The following COL13A1 variants were observed in gnomAD, a reference collection of about 807,000 sequenced individuals.
COL13A1 encodes the protein collagen type XIII alpha 1 chain.
In COL13A1, 89 loss-of-function variants were observed where a neutral mutation model predicts 130.9. The ratio of observed to expected loss-of-function variants is 0.68; its 90% confidence interval spans 0.57 to 0.81. The LOEUF is 0.81. Among genes scored for constraint, COL13A1 ranks in the 30% least tolerant of loss-of-function variants. The probability of loss-of-function intolerance (pLI) is 0.00; values close to 1 mark genes in which losing one functional copy is unlikely to be tolerated. For missense variants in COL13A1, 879 were observed against 934.6 expected (o/e 0.94, Z 0.78); for synonymous variants, 402 against 341.6 (o/e 1.18, Z -1.95).
chr10:69,851,861 G>C (rs541422766), intron 2 of COL13A1, among the ~76,000 whole-genome samples: 180 of 152,268 alleles, frequency 1.2e-3, no homozygotes, highest in African/African-American at 4.2e-3. Context: ...TGCCACGTTG[G>C]CCAGGCTGGT....
chr10:69,926,377 TG>T (rs1222432061), intron 26 of COL13A1, among the ~76,000 whole-genome samples: 2 of 152,108 alleles, frequency 1.3e-5, no homozygotes, highest in Non-Finnish European at 1.5e-5. Flanking sequence ...ATCTTTGTGG[TG>T]GGGGGAGAGT....
chr10:69,846,300 G>C (rs947472433), intron 2 of COL13A1, among the ~76,000 whole-genome samples: 4 of 152,016 alleles, frequency 2.6e-5, no homozygotes, highest in African/African-American at 9.7e-5. Flanking sequence ...GAGTGTCCTG[G>C]TTCCTAATCA....
chr10:69,825,398 C>G (rs997184638), intron 2 of COL13A1, among the ~76,000 whole-genome samples: 4 of 152,176 alleles, frequency 2.6e-5, no homozygotes, highest in African/African-American at 9.7e-5. Flanking sequence ...GCTTGATTTA[C>G]TTTTGTCTTG....
chr10:69,863,159 T>C (rs1858689309), intron 2 of COL13A1, among the ~76,000 whole-genome samples: 1 of 152,126 alleles, frequency 6.6e-6, no homozygotes, highest in East Asian at 1.9e-4. Flanking sequence ...TGAGTCTCTG[T>C]GGCAGGAGGC....
chr10:69,856,437 T>G (rs1243360694), intron 2 of COL13A1, among the ~76,000 whole-genome samples: 1 of 152,098 alleles, frequency 6.6e-6, no homozygotes, highest in African/African-American at 2.4e-5. Flanking sequence ...TGACACCTAA[T>G]CTCCCTCAAC....
chr10:69,815,960 G>A (rs981440105), intron 1 of COL13A1, among the ~76,000 whole-genome samples: 2 of 151,954 alleles, frequency 1.3e-5, no homozygotes, highest in Admixed American at 6.6e-5. Context: ...AGGAAGGGGT[G>A]CAGGAGGTGA....
chr10:69,921,375 T>C lies in COL13A1; in HGVS notation c.1090-507T>C, dbSNP rs114665490. On this transcript the variant is annotated intron_variant, in intron 21 of 40. Transcript: ENST00000645393. ...CCCATGGGACTTCATCCTAACTCATTACATTTGCAATGACCCTATGTCCAA... is the reference window on the plus strand; with the variant it reads ...CCCATGGGACTTCATCCTAACTCATCACATTTGCAATGACCCTATGTCCAA... Among the ~76,000 whole-genome samples the C allele has an allele frequency of 6.8e-3, 1,028 of 152,262 alleles. 6 individuals are homozygous for C. Among genetic ancestry groups the C allele is most frequent in the African/African-American group, 0.024 (992 of 41,542 alleles).
intron 35 of COL13A1, among the ~76,000 whole-genome samples, chr10:69,941,295 C>T (rs773664788): frequency 4.6e-5 from 7 of 152,172 alleles, no homozygotes; most frequent in Non-Finnish European, 5.9e-5. Context: ...CCAGCAGCAC[C>T]GCTCCTGATT....
intron 40 of COL13A1, 122 bp from the exon 41 acceptor site, chr10:69,958,577 A>G (rs1423924849): frequency 6.1e-6 from 9 of 1,487,228 alleles, no homozygotes; most frequent in Non-Finnish European, 3.7e-6. Flanking sequence ...GGGTTCCCAC[A>G]GTTCTCCTGT....
At chr10:69,937,136 G>T (rs1167474196) in intron 33 of COL13A1, among the ~76,000 whole-genome samples, 2 of 152,178 alleles carry the variant, frequency 1.3e-5, no homozygotes, top group Non-Finnish European at 2.9e-5. Flanking sequence ...GTCAAGCTTG[G>T]GGGGACTCTG....
chr10:69,894,314 G>A (rs919661983), intron 10 of COL13A1, among the ~76,000 whole-genome samples: 1 of 152,234 alleles, frequency 6.6e-6, no homozygotes, highest in African/African-American at 2.4e-5. Flanking sequence ...CTGGTGGTTG[G>A]AGGAATGGAT....
At chr10:69,914,579 C>G (rs1053376478) in intron 17 of COL13A1, among the ~76,000 whole-genome samples, 2 of 152,176 alleles carry the variant, frequency 1.3e-5, no homozygotes, top group African/African-American at 4.8e-5. Flanking sequence ...AGAGAAAAGA[C>G]AGAGAAAGTA....
intron 36 of COL13A1, among the ~76,000 whole-genome samples, 188 bp from the exon 37 acceptor site, chr10:69,945,483 G>C (rs542214671): frequency 1.5e-4 from 23 of 152,280 alleles, no homozygotes; most frequent in Non-Finnish European, 3.1e-4. Flanking sequence ...AGTGAGGGGG[G>C]CTTCTGAGCC....
chr10:69,819,221 G>T (rs1330132565), intron 1 of COL13A1, among the ~76,000 whole-genome samples: 2 of 152,222 alleles, frequency 1.3e-5, no homozygotes, highest in African/African-American at 2.4e-5. Flanking sequence ...TTAGTTTCCT[G>T]GATTATACAA....
rs1394987206 is a variant in COL13A1, at chr10:69,928,966, C to T, written c.1452C>T (p.Gly484=). The T allele has an allele frequency of 6.2e-7, 1 of 1,613,400 alleles. No individual in the cohort carries two copies. The highest frequency in any genetic ancestry group is 8.5e-7 in the Non-Finnish European group (1 of 1,179,564). ...MGPPGLPGQI[G]PPGAPGIPGQ... ...CTCCTGGTCTTCCTGGGCAAATTGG[C>T]CCACCTGGAGCTCCAGGGATTCCAG... Residue 484 remains glycine (G), a synonymous_variant, in exon 28 of 41, where the codon GGC becomes GGT. Coordinates refer to ENST00000645393, the MANE Select transcript of COL13A1 (RefSeq NM_001368882.1).
At chr10:69,856,524 A>G (rs1423328854) in intron 2 of COL13A1, among the ~76,000 whole-genome samples, 2 of 152,242 alleles carry the variant, frequency 1.3e-5, no homozygotes, top group Non-Finnish European at 2.9e-5. Flanking sequence ...GACAAGGTAG[A>G]AAAACATGGA....
At chr10:69,927,251 C>A in intron 27 of COL13A1, 141 bp downstream of exon 27, 1 of 1,357,182 alleles carries the variant, frequency 7.4e-7, no homozygotes, top group South Asian at 1.2e-5. Flanking sequence ...AGGGCTGGGG[C>A]AGATGATGAT....
intron 35 of COL13A1, among the ~76,000 whole-genome samples, chr10:69,943,128 G>A (rs561966718): frequency 7.2e-5 from 11 of 152,282 alleles, no homozygotes; most frequent in Non-Finnish European, 1.0e-4. Flanking sequence ...GATTACAGCC[G>A]TGAGCCACTG....
Position 69,870,303 on chromosome 10 carries a change from G to GA in COL13A1, c.373-1875dup, listed in dbSNP as rs199750161. On this transcript the variant is annotated intron_variant, in intron 3 of 40. Transcript: ENST00000645393. ...TTTTTTTCTTTTTTAGAAAAGAAAAGAAAAAACTTTTTTGGGTGAGAGAGT... is the reference window on the plus strand; with the variant it reads ...TTTTTTTCTTTTTTAGAAAAGAAAAGAAAAAAACTTTTTTGGGTGAGAGAGT... 5.0e-3 allele frequency among the ~76,000 whole-genome samples: 759 copies of GA among 150,824 alleles called. 3 individuals are homozygous for GA. Among genetic ancestry groups the GA allele is most frequent in the African/African-American group, 0.017 (717 of 41,154 alleles).
Sources: allele counts gnomAD v4.1 joint callset (sites outside exome capture counted in the v4.1 genomes callset), GRCh38; gene constraint gnomAD v4.1.1; transcripts MANE v1.5; gene names NCBI Gene and HGNC (gene_info 2026-07-23, HGNC 2026-07-21).